Variants in PUDP observed in about 807,000 individuals in gnomAD.
The protein encoded by PUDP is pseudouridine-5'-phosphatase.
Under a neutral mutation model 9.4 loss-of-function variants are expected in PUDP, and 8 were observed. That is an observed-to-expected ratio of 0.85 (90% CI 0.50 to 1.53). The LOEUF is 1.53. Ranked by LOEUF, PUDP falls within the 40% of genes most tolerant of loss-of-function variation. The pLI, the probability that PUDP is intolerant of heterozygous loss-of-function variation, is 0.00. For missense variants in PUDP, 188 were observed against 189.7 expected (o/e 0.99, Z 0.05); for synonymous variants, 99 against 80.7 (o/e 1.23, Z -1.22).
At chrX:7,139,827 C>T (rs1291212089) in intron 1 of PUDP, among the ~76,000 whole-genome samples, 1 of 112,123 alleles carries the variant, frequency 8.9e-6, no homozygotes, top group Non-Finnish European at 1.9e-5. Context: ...CCCCACCAAG[C>T]GCCACAAGCA....
intron 1 of PUDP, among the ~76,000 whole-genome samples, chrX:7,026,327 C>T: frequency 8.9e-6 from 1 of 111,788 alleles, no homozygotes. Flanking sequence ...ACACCATTCC[C>T]TTCCCTGCTG....
At chrX:6,936,098 A>G (rs1299034398) in intron 3 of PUDP, among the ~76,000 whole-genome samples, 5 of 109,467 alleles carry the variant, frequency 4.6e-5, no homozygotes, top group Non-Finnish European at 9.5e-5. Context: ...TATTCCAATC[A>G]ATAGAAAAAG....
chrX:7,077,141 CATTTAGCAAACACTACATGG>C (rs1408315250), intron 3 of PUDP, 59 bp downstream of exon 3: 5 of 1,137,944 alleles, frequency 4.4e-6, no homozygotes, highest in Admixed American at 5.5e-5. Context: ...CAACTTTTCA[CATTTAGCAAACACTACATGG>C]ATATTATTTG....
Position 7,050,244 on chromosome X carries a change from G to C in PUDP, c.*52C>G. The C allele has an allele frequency of 4.5e-6, 5 of 1,121,930 alleles. No homozygotes were observed. The highest frequency in any genetic ancestry group is 6.1e-6 in the Non-Finnish European group (5 of 824,720). The allele number at this position is 1,121,930 out of a possible 1,213,427, so 92.5% of individuals were successfully genotyped here. A position where few individuals can be genotyped will look rare whatever the true frequency, so the allele number is the denominator to read the frequency against. ...GCTGATTTCCTTTCCCTTTCCCCCA[G>C]CAGTGTGGACCATGAGAGTGGGCTG... On this transcript the variant is annotated 3_prime_UTR_variant, in exon 4 of 4. Transcript: ENST00000381077.
chrX:6,921,899 G>A, intron 3 of PUDP, among the ~76,000 whole-genome samples: 1 of 111,010 alleles, frequency 9.0e-6, no homozygotes. Flanking sequence ...TACTTCCCCG[G>A]GCTCATCTGT....
chrX:6,898,726 A>C (rs1927628882), intron 3 of PUDP, among the ~76,000 whole-genome samples: 1 of 111,299 alleles, frequency 9.0e-6, no homozygotes, highest in Non-Finnish European at 1.9e-5. Flanking sequence ...TGGACACTGA[A>C]ATTTTAATTT....
At chrX:7,005,409 T>TATG (rs200810220) in intron 1 of PUDP, among the ~76,000 whole-genome samples, 39 of 109,145 alleles carry the variant, frequency 3.6e-4, no homozygotes, top group African/African-American at 1.2e-3. Context: ...ATATTATTAT[T>TATG]ATTATTATTA....
At chrX:6,950,888 C>A (rs1039123828) in intron 3 of PUDP, among the ~76,000 whole-genome samples, 1 of 111,389 alleles carries the variant, frequency 9.0e-6, no homozygotes, top group African/African-American at 3.3e-5. Flanking sequence ...AAAGACTGAC[C>A]TTTCCTTCAG....
intron 3 of PUDP, among the ~76,000 whole-genome samples, chrX:6,825,905 C>T (rs979678364): frequency 2.7e-5 from 3 of 111,542 alleles, no homozygotes; most frequent in South Asian, 7.6e-4. Flanking sequence ...AAGAAGCAGG[C>T]GGCAACAAGG....
chrX:6,887,136 A>C (rs1927437930), intron 3 of PUDP, among the ~76,000 whole-genome samples: 1 of 75,462 alleles, frequency 1.3e-5, no homozygotes, highest in East Asian at 3.4e-4. Context: ...AGTATATTTG[A>C]TTTAATTTAA....
intron 3 of PUDP, among the ~76,000 whole-genome samples, chrX:6,798,163 G>T (rs1925873580): frequency 8.9e-6 from 1 of 112,057 alleles, no homozygotes; most frequent in South Asian, 3.8e-4. Context: ...CCACATGGCT[G>T]GGGAGGCCTC....
chrX:6,998,034 C>G (rs894928837), intron 1 of PUDP, among the ~76,000 whole-genome samples: 3 of 111,755 alleles, frequency 2.7e-5, no homozygotes, highest in African/African-American at 9.8e-5. Flanking sequence ...AAATAATTGA[C>G]AAGCTTTTTC....
intron 1 of PUDP, among the ~76,000 whole-genome samples, chrX:6,990,745 G>A (rs1250678931): frequency 8.9e-6 from 1 of 112,399 alleles, no homozygotes; most frequent in Non-Finnish European, 1.9e-5. Flanking sequence ...GAACTGCAGA[G>A]AGAGCTTCCC....
intron 3 of PUDP, among the ~76,000 whole-genome samples, chrX:6,760,355 A>C (rs905623841): frequency 3.6e-5 from 4 of 112,014 alleles, no homozygotes; most frequent in Non-Finnish European, 3.8e-5. Context: ...TGTTGATGTG[A>C]AAAGCAAGCC....
At chrX:7,144,272 C>T (rs1048295708) in intron 1 of PUDP, among the ~76,000 whole-genome samples, 6 of 112,182 alleles carry the variant, frequency 5.3e-5, no homozygotes, top group Admixed American at 9.4e-5. Context: ...AAACCTCAGA[C>T]GTATTTCATG....
chrX:6,914,120 T>C (rs1927889869), intron 3 of PUDP, among the ~76,000 whole-genome samples: 1 of 100,485 alleles, frequency 1.0e-5, no homozygotes, highest in Non-Finnish European at 2.0e-5. Flanking sequence ...TGAGCCGAGA[T>C]TGTGCCACTG....
Position 6,985,442 on chromosome X carries a change from G to A in PUDP, c.205-7099C>T, listed in dbSNP as rs111371034. On this transcript the variant is annotated intron_variant and NMD_transcript_variant, in intron 1 of 3. Transcript: ENST00000655425. ...GGGAGTTCCTTTAGTCCCCAATAAA[G>A]CTTGTTTGTGGAAACTTAGGGAGTT... 4.1e-3 allele frequency among the ~76,000 whole-genome samples: 449 copies of A among 110,713 alleles called. 3 individuals are homozygous for A. Among genetic ancestry groups the A allele is most frequent in the African/African-American group, 0.014 (436 of 30,426 alleles).
intron 3 of PUDP, among the ~76,000 whole-genome samples, chrX:6,973,655 G>A (rs1426774040): frequency 8.9e-6 from 1 of 111,985 alleles, no homozygotes; most frequent in Non-Finnish European, 1.9e-5. Flanking sequence ...TATGTGCGAT[G>A]TGGTGTTGAG....
chrX:6,879,356 C>T (rs907265482), intron 3 of PUDP, among the ~76,000 whole-genome samples: 2 of 111,207 alleles, frequency 1.8e-5, no homozygotes, highest in Non-Finnish European at 3.8e-5. Context: ...GCAGAATGGC[C>T]TTGAATTTTG....
Sources: allele counts gnomAD v4.1 joint callset (sites outside exome capture counted in the v4.1 genomes callset), GRCh38; gene constraint gnomAD v4.1.1; transcripts MANE v1.5; gene names NCBI Gene and HGNC (gene_info 2026-07-23, HGNC 2026-07-21).